Variants in MAPK6 observed in about 807,000 individuals in gnomAD.
MAPK6 encodes ERK-3.
MAPK6 carries 19 observed loss-of-function variants against 59.3 expected under a neutral mutation model. That is an observed-to-expected ratio of 0.32 (90% CI 0.22 to 0.47). The LOEUF is 0.47. MAPK6 is among the 20% of genes least tolerant of loss of function. The pLI, the probability that MAPK6 is intolerant of heterozygous loss-of-function variation, is 1.00. For synonymous variants in MAPK6, 316 were observed against 290.3 expected (o/e 1.09, Z -0.90); for missense variants, 724 against 847.9 (o/e 0.85, Z 1.81).
At chr15:52,033,356 C>T (rs1455781900) in intron 1 of MAPK6, among the ~76,000 whole-genome samples, 1 of 152,204 alleles carries the variant, frequency 6.6e-6, no homozygotes, top group African/African-American at 2.4e-5. Context: ...ATCCAATTGG[C>T]TGCCACCGAG....
chr15:52,031,536 C>T (rs1218571348), intron 1 of MAPK6, among the ~76,000 whole-genome samples: 1 of 152,130 alleles, frequency 6.6e-6, no homozygotes, highest in Non-Finnish European at 1.5e-5. Context: ...TGCTTATATT[C>T]TTGTAAAATG....
chr15:51,986,733 C>T (rs896517739), intron 2 of MAPK6, among the ~76,000 whole-genome samples: 2 of 152,034 alleles, frequency 1.3e-5, no homozygotes, highest in East Asian at 1.9e-4. Flanking sequence ...GGTGAAAGAG[C>T]GAATTCTGTT....
At chr15:51,995,838 G>C (rs2057222513) in intron 2 of MAPK6, among the ~76,000 whole-genome samples, 1 of 152,000 alleles carries the variant, frequency 6.6e-6, no homozygotes, top group Non-Finnish European at 1.5e-5. Context: ...TGAGGCAGGA[G>C]AATCGCTTAA....
chr15:51,975,779 TAA>T (rs759657364), intron 1 of MAPK6, among the ~76,000 whole-genome samples: 12 of 151,678 alleles, frequency 7.9e-5, no homozygotes, highest in Non-Finnish European at 1.6e-4. Context: ...TGATCTGAAT[TAA>T]AGAGAGCAAG....
chr15:52,039,422 A>G (rs1331022420), intron 1 of MAPK6, among the ~76,000 whole-genome samples: 2 of 152,192 alleles, frequency 1.3e-5, no homozygotes, highest in Admixed American at 6.5e-5. Flanking sequence ...CCAAAGGCAA[A>G]TGAAAGCCCC....
chr15:52,027,404 G>C (rs1187859422), intron 1 of MAPK6, among the ~76,000 whole-genome samples: 1 of 138,588 alleles, frequency 7.2e-6, no homozygotes, highest in Non-Finnish European at 1.5e-5. Flanking sequence ...CTTAGTAGAT[G>C]TAAGTTACCT....
chr15:52,010,582 G>A (rs187802287), intron 3 of MAPK6, among the ~76,000 whole-genome samples: 86 of 143,392 alleles, frequency 6.0e-4, no homozygotes, highest in African/African-American at 2.2e-3. Flanking sequence ...GTAGTGGCAC[G>A]ATCTTGGCTC....
At chr15:52,016,947 G>C (rs1278195188), upstream of MAPK6, among the ~76,000 whole-genome samples, 1 of 152,200 alleles carries the variant, frequency 6.6e-6, no homozygotes, top group Admixed American at 6.5e-5. Context: ...GGGAGGCTGA[G>C]GCGGGGGAAT....
intron 1 of MAPK6, among the ~76,000 whole-genome samples, chr15:52,025,937 G>C (rs1332202499): frequency 6.6e-6 from 1 of 152,134 alleles, no homozygotes; most frequent in African/African-American, 2.4e-5. Context: ...ACAAATTGGA[G>C]AGAGAGTATG....
At chr15:52,011,498 A>G (rs1307171589) in intron 3 of MAPK6, 2 of 152,250 alleles carry the variant, frequency 1.3e-5, no homozygotes, top group Non-Finnish European at 2.9e-5. Flanking sequence ...GATAAGCTTT[A>G]TTCAGGCATG....
At position 52,066,851 on chromosome 15, in the gene MAPK6, TAC is replaced by T. The variant is rs890264247; in HGVS notation, c.*1852_*1853del. ...TACTGTCACGTTATTAATTTAAACA[TAC>T]TCAAATTACCTTAAGAGGACAAGCT... On this transcript the variant is annotated 3_prime_UTR_variant, in exon 6 of 6. Transcript: ENST00000261845. 5 of 151,942 alleles carry T rather than the reference TAC, an allele frequency of 3.3e-5. No individual in the cohort carries two copies. The highest frequency in any genetic ancestry group is 7.4e-5 in the Non-Finnish European group (5 of 67,994). The allele number at this position is 151,942 out of a possible 1,614,324, so 9.4% of individuals were successfully genotyped here.
At chr15:52,062,530 T>C (rs147286678) in intron 5 of MAPK6, among the ~76,000 whole-genome samples, 2,252 of 152,172 alleles carry the variant, frequency 0.015, 68 homozygotes, top group African/African-American at 0.052. Context: ...TTTGCGAGGC[T>C]GAGGCAGGCC....
At chr15:52,021,335 C>A (rs1239240016) in intron 1 of MAPK6, 3 of 148,182 alleles carry the variant, frequency 2.0e-5, no homozygotes, top group Non-Finnish European at 4.4e-5. Context: ...GATGATGACT[C>A]ATGCTGCCCA....
intron 2 of MAPK6, among the ~76,000 whole-genome samples, chr15:51,998,200 C>A (rs1374699510): frequency 3.3e-5 from 5 of 151,662 alleles, no homozygotes; most frequent in African/African-American, 1.2e-4. Flanking sequence ...CCTTGGACTC[C>A]CAAGGTGCTG....
At chr15:52,062,406 G>A (rs942733154) in intron 5 of MAPK6, among the ~76,000 whole-genome samples, 1 of 152,054 alleles carries the variant, frequency 6.6e-6, no homozygotes, top group African/African-American at 2.4e-5. Flanking sequence ...ACTTTTTTAG[G>A]TCTAAACATT....
intron 1 of MAPK6, among the ~76,000 whole-genome samples, chr15:52,043,906 G>A (rs1283300962): frequency 2.0e-5 from 3 of 151,624 alleles, no homozygotes; most frequent in South Asian, 4.2e-4. Context: ...CTCCTGAGTA[G>A]CTGGGACTAC....
intron 1 of MAPK6, among the ~76,000 whole-genome samples, chr15:52,028,422 G>C (rs1257782448): frequency 1.3e-5 from 2 of 152,138 alleles, no homozygotes; most frequent in Non-Finnish European, 2.9e-5. Context: ...CCTCGTTCTT[G>C]CCTACATCAT....
At position 52,064,038 on chromosome 15, in the gene MAPK6, T is replaced by C. The variant is rs1432483696; in HGVS notation, c.1204T>C (p.Leu402=). 2.5e-6 allele frequency: 4 copies of C among 1,613,792 alleles called. No homozygotes were observed. The highest frequency in any genetic ancestry group is 1.1e-5 in the South Asian group (1 of 91,050). Residue 402 remains leucine (L), a synonymous_variant, in exon 6 of 6, where the codon TTG becomes CTG. Coordinates refer to ENST00000261845, the MANE Select transcript of MAPK6 (RefSeq NM_002748.4). ...EEVQVDPRKY[L]DGDREKYLED... is the part of the protein sequence containing the mutation. ...AGTACAAGTTGATCCCCGAAAATAT[T>C]TGGATGGAGATCGGGAAAAGTATCT...
intron 2 of MAPK6, among the ~76,000 whole-genome samples, chr15:51,992,182 T>G (rs928439181): frequency 6.6e-6 from 1 of 151,990 alleles, no homozygotes; most frequent in Non-Finnish European, 1.5e-5. Context: ...GGTCTTGAAC[T>G]CCTGGTCTCA....
Sources: gnomAD v4.1 joint callset for allele counts (sites outside exome capture counted in the v4.1 genomes callset) on GRCh38, gnomAD v4.1.1 for gene constraint, MANE v1.5 for transcripts, NCBI Gene and HGNC (gene_info 2026-07-23, HGNC 2026-07-21) for gene names.